The following ZFC3H1 variants were observed in gnomAD, a reference collection of about 807,000 sequenced individuals.
The protein encoded by ZFC3H1 is zinc finger C3H1-type containing, also known as zinc finger C3H1 domain-containing protein.
A neutral mutation model predicts 243.7 loss-of-function variants in ZFC3H1; 71 were observed. The ratio of observed to expected loss-of-function variants is 0.29; its 90% CI spans 0.24 to 0.36. The LOEUF is 0.36. ZFC3H1 is among the 10% of genes least tolerant of loss of function. ZFC3H1 has a pLI of 1.00. For synonymous variants in ZFC3H1, 838 were observed against 813.0 expected (o/e 1.03, Z -0.52); for missense variants, 1,966 against 2,317.1 (o/e 0.85, Z 3.11).
intron 1 of ZFC3H1, among the ~76,000 whole-genome samples, chr12:71,659,262 C>G (rs1049056666): frequency 5.3e-5 from 8 of 152,298 alleles, no homozygotes; most frequent in Admixed American, 3.9e-4. Flanking sequence ...AGTAATCTTT[C>G]TAGAATACAA....
intron 12 of ZFC3H1, 80 bp from the exon 13 acceptor site, chr12:71,633,518 T>C: frequency 8.5e-7 from 1 of 1,181,636 alleles, no homozygotes; most frequent in Non-Finnish European, 1.2e-6. Flanking sequence ...TTCAAAGTAA[T>C]AACACAATTT....
intron 24 of ZFC3H1, among the ~76,000 whole-genome samples, chr12:71,621,611 C>T (rs1417061518): frequency 6.6e-6 from 1 of 152,054 alleles, no homozygotes. Context: ...CGGCCAAGGT[C>T]CACTTCCTTA....
At chr12:71,610,668 G>C in intron 34 of ZFC3H1, 27 bp downstream of exon 34, 2 of 1,612,392 alleles carry the variant, frequency 1.2e-6, no homozygotes, top group Non-Finnish European at 1.7e-6. Flanking sequence ...AAAACATCGA[G>C]ATAAAATAAA....
intron 3 of ZFC3H1, among the ~76,000 whole-genome samples, chr12:71,645,468 A>G (rs538591734): frequency 2.0e-5 from 3 of 152,338 alleles, no homozygotes; most frequent in Non-Finnish European, 4.4e-5. Context: ...AGGAAAGAAG[A>G]AGGAAGTGGT....
intron 1 of ZFC3H1, among the ~76,000 whole-genome samples, chr12:71,658,913 C>T (rs1039035758): frequency 1.3e-5 from 2 of 152,150 alleles, no homozygotes; most frequent in Non-Finnish European, 2.9e-5. Flanking sequence ...TCTAGAGAGA[C>T]TGCTGTGGCT....
In ZFC3H1 at chr12:71,626,324, T is replaced by C. The variant is rs753976280; in HGVS notation, c.4253A>G (p.Asp1418Gly). The C allele has an allele frequency of 3.1e-5, 50 of 1,614,054 alleles. No homozygotes were observed. The highest frequency in any genetic ancestry group is 3.3e-4 in the Middle Eastern group (2 of 6,062). ...LRLFSKRGTK[D>G]EVQEMCETAV... is the part of the protein sequence containing the mutation. ...TGTTTCACACATTTCCTGCACCTCG[T>C]CCTTGGTTCCTCTTTTTGAGAACAA... The change falls in exon 22 of 35, where the codon GAC becomes GGC. Residue 1418 changes from aspartate to glycine, a missense_variant. By Grantham distance (94) the Asp-to-Gly change is moderately conservative (BLOSUM62 -1). Around this residue, in one of 4 missense-constraint regions of ZFC3H1, gnomAD observed 1,383 missense variants for 1,723.7 expected, o/e 0.80. Transcript: ENST00000378743.
chr12:71,653,157 A>G (rs1880933507), intron 2 of ZFC3H1, among the ~76,000 whole-genome samples: 1 of 152,210 alleles, frequency 6.6e-6, no homozygotes, highest in Non-Finnish European at 1.5e-5. Flanking sequence ...ATAAAGCTGA[A>G]AATATAAGCA....
Position 71,644,194 on chromosome 12 carries a change from T to C in ZFC3H1, c.1404A>G (p.Arg468=). Residue 468 remains arginine, a synonymous_variant, in exon 5 of 35, where the codon AGA becomes AGG. Transcript: ENST00000378743. Reference sequence around the variant, plus strand: ...CTCGAATTTTTCTGATTTCTTCCTCTCTTTTCCTTCTCTCTTCTTCTTCAG... The same window carrying C: ...CTCGAATTTTTCTGATTTCTTCCTCCCTTTTCCTTCTCTCTTCTTCTTCAG... ...KQAEEEERRK[R]EEEIRKIRDL... The C allele has an allele frequency of 6.2e-7, 1 of 1,613,258 alleles. No individual in the cohort carries two copies. Among genetic ancestry groups the C allele is most frequent in the Non-Finnish European group, 8.5e-7 (1 of 1,179,506 alleles).
chr12:71,630,809 C>T lies in ZFC3H1; in HGVS notation c.3602+14G>A. The T allele has an allele frequency of 1.2e-6, 2 of 1,610,772 alleles. No homozygotes were observed. Among genetic ancestry groups the T allele is most frequent in the Non-Finnish European group, 1.7e-6 (2 of 1,178,252 alleles). ...CATTTTTCAAATTACAAAATGTTCACAAAAACTACTCACCATTGACAATCA... is the reference window on the plus strand; with the variant it reads ...CATTTTTCAAATTACAAAATGTTCATAAAAACTACTCACCATTGACAATCA... On this transcript the variant is annotated intron_variant, in intron 17 of 34. Coordinates refer to ENST00000378743, the MANE Select transcript of ZFC3H1 (RefSeq NM_144982.5).
chr12:71,644,590 G>A (rs967386226), intron 4 of ZFC3H1, among the ~76,000 whole-genome samples: 18 of 152,206 alleles, frequency 1.2e-4, no homozygotes, highest in Admixed American at 5.9e-4. Flanking sequence ...GCTGAGGCGA[G>A]TGGATCACCT....
Position 71,663,637 on chromosome 12 carries a change from C to T in ZFC3H1, c.-27G>A, listed in dbSNP as rs771343278. On this transcript the variant is annotated 5_prime_UTR_variant, in exon 1 of 35. Coordinates refer to ENST00000378743, the MANE Select transcript of ZFC3H1 (RefSeq NM_144982.5). ...CGGGGAGCAGCGCCTTCCACACAAC[C>T]TTAGCCCTCCGTCCGGGGATCCGCC... is the stretch of plus-strand genomic sequence containing the variant. 5.0e-6 allele frequency: 8 copies of T among 1,589,466 alleles called. No individual in the cohort carries two copies. Among genetic ancestry groups the T allele is most frequent in the Non-Finnish European group, 6.8e-6 (8 of 1,170,036 alleles).
chr12:71,632,295 A>C lies in ZFC3H1; in HGVS notation c.3037T>G (p.Ser1013Ala). 1.2e-6 allele frequency: 2 copies of C among 1,613,888 alleles called. No individual in the cohort carries two copies. Among genetic ancestry groups the C allele is most frequent in the Non-Finnish European group, 1.7e-6 (2 of 1,179,854 alleles). Residue 1013 changes from serine (S) to alanine (A), a missense_variant, in exon 15 of 35, where the codon TCA (serine) becomes GCA (alanine). Coordinates refer to ENST00000378743, the MANE Select transcript of ZFC3H1 (RefSeq NM_144982.5). ...TTATCTTGTGTCAGATCATGAAGTG[A>C]GGGTTGAGGTAAAGAAAATTCGGGT... ...EEPEFSLPQPSLHDLTQDKLT... is the reference protein window; with the variant it reads ...EEPEFSLPQPALHDLTQDKLT...
At chr12:71,642,239 TCGG>T (rs1880618841) in intron 6 of ZFC3H1, among the ~76,000 whole-genome samples, 194 bp downstream of exon 6, 5 of 152,310 alleles carry the variant, frequency 3.3e-5, no homozygotes, top group African/African-American at 1.2e-4. Flanking sequence ...CTAGAAACAC[TCGG>T]AAATAAAGGT....
chr12:71,654,503 A>G (rs1169105255), intron 2 of ZFC3H1, among the ~76,000 whole-genome samples: 2 of 152,240 alleles, frequency 1.3e-5, no homozygotes, highest in Non-Finnish European at 2.9e-5. Context: ...ACAAAGAGTG[A>G]GCCAAGAAAG....
At chr12:71,650,386 A>T (rs1024779212) in intron 2 of ZFC3H1, among the ~76,000 whole-genome samples, 3 of 152,212 alleles carry the variant, frequency 2.0e-5, no homozygotes, top group Non-Finnish European at 2.9e-5. Flanking sequence ...GGGTAGCTAG[A>T]CATTGTTCTA....
In ZFC3H1 at chr12:71,626,438, G is replaced by T; in HGVS notation, c.4139C>A (p.Ser1380Ter). ...KYLNQNEGECSESLDSALNVL... is the reference protein window; with the variant it reads ...KYLNQNEGEC ...ATTTAAAGCAGAATCCAAGGATTCT[G>T]AGCACTCCCTGTATATATAAAAGAA... Residue 1380 changes from serine to a stop codon, truncating the protein, a stop_gained, in exon 22 of 35, where the codon TCA (serine) becomes TAA (stop). Coordinates refer to ENST00000378743, the MANE Select transcript of ZFC3H1 (RefSeq NM_144982.5). LOFTEE classifies it high-confidence loss of function. 1 of 1,613,302 alleles carries T rather than the reference G, an allele frequency of 6.2e-7. No homozygotes were observed. The highest frequency in any genetic ancestry group is 1.1e-5 in the South Asian group (1 of 91,026).
Position 71,663,836 on chromosome 12 carries a change from C to A in ZFC3H1, c.-226G>T. ...TTCCTAGCGCCCCCTTGCTCCTCAG[C>A]GATCGGGGTTCTTCCGCCTCGCGAG... is the stretch of plus-strand genomic sequence containing the variant. On this transcript the variant is annotated 5_prime_UTR_variant, in exon 1 of 35. Transcript: ENST00000378743. 1 of 577,518 alleles carries A rather than the reference C, an allele frequency of 1.7e-6. No individual in the cohort carries two copies. The highest frequency in any genetic ancestry group is 2.3e-5 in the South Asian group (1 of 44,036). The allele number at this position is 577,518 out of a possible 1,614,324, so 35.8% of individuals were successfully genotyped here.
chr12:71,663,116 C>T lies in ZFC3H1; in HGVS notation c.495G>A (p.Glu165=). The T allele has an allele frequency of 6.2e-7, 1 of 1,614,064 alleles. No homozygotes were observed. The highest frequency in any genetic ancestry group is 1.3e-5 in the African/African-American group (1 of 75,046). ...SRWSRGRGVG[E]RGGKPGCRPP... Reference sequence around the variant, plus strand: ...GTCTGCACCCCGGCTTGCCTCCTCGCTCACCCACTCCTCGCCCCCGACTCC... The same window carrying T: ...GTCTGCACCCCGGCTTGCCTCCTCGTTCACCCACTCCTCGCCCCCGACTCC... The change falls in exon 1 of 35, where the codon GAG becomes GAA. Residue 165 remains glutamate, a synonymous_variant. Transcript: ENST00000378743.
At chr12:71,632,795 A>G (rs781370735) in intron 14 of ZFC3H1, 91 bp downstream of exon 14, 23 of 1,511,722 alleles carry the variant, frequency 1.5e-5, no homozygotes, top group Admixed American at 2.4e-5. Flanking sequence ...AATTTACAGC[A>G]AAGAGTTACT....
Sources: gnomAD v4.1 joint callset for allele counts (sites outside exome capture counted in the v4.1 genomes callset) on GRCh38, gnomAD v4.1.1 for gene constraint, gnomAD v4.1.1 regional missense constraint, MANE v1.5 for transcripts, NCBI Gene and HGNC (gene_info 2026-07-23, HGNC 2026-07-21) for gene names.